The following BRCA1 variants were observed in gnomAD, a reference collection of about 807,000 sequenced individuals.
BRCA1 encodes breast cancer type 1 susceptibility protein.
A neutral mutation model predicts 173.7 loss-of-function variants in BRCA1; 140 were observed. The ratio of observed to expected loss-of-function variants is 0.81; its 90% CI spans 0.70 to 0.93. The LOEUF (loss-of-function observed/expected upper bound fraction) is 0.93. BRCA1 is among the 40% of genes least tolerant of loss of function. The probability of loss-of-function intolerance (pLI) is 0.00; values close to 1 mark genes in which losing one functional copy is unlikely to be tolerated. For missense variants in BRCA1, 1,983 were observed against 2,172.5 expected, an observed-to-expected ratio of 0.91 and a Z score of 1.73; for synonymous variants, 662 against 756.0, an observed-to-expected ratio of 0.88 and a Z score of 2.04.
At chr17:43,061,977 A>G (rs971232165) in intron 18 of BRCA1, among the ~76,000 whole-genome samples, 3 of 152,060 alleles carry the variant, frequency 2.0e-5, no homozygotes, top group African/African-American at 7.2e-5. Context: ...CCTACACTCT[A>G]TCTTATTTAC....
At chr17:43,143,046 A>G (rs554992272) in intron 1 of BRCA1, among the ~76,000 whole-genome samples, 1 of 149,438 alleles carries the variant, frequency 6.7e-6, no homozygotes, top group South Asian at 2.1e-4. Context: ...ATATATATGT[A>G]TATATGTGTA....
chr17:43,109,545 C>T (rs2054946128), intron 3 of BRCA1, among the ~76,000 whole-genome samples: 1 of 152,096 alleles, frequency 6.6e-6, no homozygotes, highest in Admixed American at 6.6e-5. Flanking sequence ...TACCATATTG[C>T]ACTCAACAAA....
At chr17:43,103,371 G>A (rs2054575433) in intron 6 of BRCA1, among the ~76,000 whole-genome samples, 1 of 151,838 alleles carries the variant, frequency 6.6e-6, no homozygotes, top group South Asian at 2.1e-4. Context: ...GGAGGCTGAG[G>A]CAGGAGAATC....
Position 43,093,950 on chromosome 17 carries a change from C to G in BRCA1, c.1581G>C (p.Lys527Asn), listed in dbSNP as rs80357493. 42 of 1,613,716 alleles carry G rather than the reference C, an allele frequency of 2.6e-5. No homozygotes were observed. The highest frequency in any genetic ancestry group is 3.6e-5 in the Non-Finnish European group (42 of 1,179,938). ...FIKKADLAVQKTPEMINQGTN... is the reference protein window; with the variant it reads ...FIKKADLAVQNTPEMINQGTN... ...TTCCCTGATTTATCATTTCAGGAGT[C>G]TTTTGAACTGCCAAATCTGCTTTCT... is the stretch of plus-strand genomic sequence containing the variant. The change falls in exon 10 of 23, where the codon AAG becomes AAC. Residue 527 changes from lysine (K) to asparagine (N), a missense_variant. Lys to Asn is a moderately conservative substitution (Grantham distance 94). Transcript: ENST00000357654.
At chr17:43,133,527 T>C (rs2154581347) in intron 1 of BRCA1, among the ~76,000 whole-genome samples, 2 of 152,326 alleles carry the variant, frequency 1.3e-5, no homozygotes, top group African/African-American at 4.8e-5. Flanking sequence ...GGATGTGAAC[T>C]GTCCTTGCAA....
At chr17:43,156,442 C>T (rs961243244) in intron 1 of BRCA1, among the ~76,000 whole-genome samples, 1 of 152,174 alleles carries the variant, frequency 6.6e-6, no homozygotes, top group African/African-American at 2.4e-5. Context: ...AACCACTTTA[C>T]CTGAACCTCA....
chr17:43,045,924 T>C (rs1401781814), intron 22 of BRCA1, 122 bp from the exon 23 acceptor site: 1 of 784,808 alleles, frequency 1.3e-6, no homozygotes, highest in Non-Finnish European at 1.7e-6. Context: ...AGAAGCTAAT[T>C]TTTTTTTTTT....
chr17:43,045,160 A>G lies in BRCA1; in HGVS notation c.*518T>C. ...CTCAGAATTTCCTCCCCAATGTTCCACTCCAACATTTGAGAACTGCCCAAG... is the reference window on the plus strand; with the variant it reads ...CTCAGAATTTCCTCCCCAATGTTCCGCTCCAACATTTGAGAACTGCCCAAG... On this transcript the variant is annotated 3_prime_UTR_variant, in exon 23 of 23. Transcript: ENST00000357654. 1.9e-6 allele frequency: 1 copy of G among 534,896 alleles called. No homozygotes were observed. The highest frequency in any genetic ancestry group is 1.9e-5 in the African/African-American group (1 of 53,890). The allele number at this position is 534,896 out of a possible 1,614,324, so 33.1% of individuals were successfully genotyped here. A position where few individuals can be genotyped will look rare whatever the true frequency, so the allele number is the denominator to read the frequency against.
intron 14 of BRCA1, among the ~76,000 whole-genome samples, chr17:43,072,233 C>T (rs2052481435): frequency 6.8e-6 from 1 of 147,922 alleles, no homozygotes; most frequent in South Asian, 2.2e-4. Flanking sequence ...ACTAAAAATA[C>T]AAAAAATTAG....
chr17:43,102,081 T>A (rs1026168947), intron 6 of BRCA1, among the ~76,000 whole-genome samples: 1 of 151,790 alleles, frequency 6.6e-6, no homozygotes, highest in Non-Finnish European at 1.5e-5. Flanking sequence ...TTTTTTTGTT[T>A]TTTTTTTGAG....
intron 2 of BRCA1, among the ~76,000 whole-genome samples, chr17:43,117,696 G>T (rs181765921): frequency 1.3e-5 from 2 of 152,078 alleles, no homozygotes; most frequent in Non-Finnish European, 2.9e-5. Flanking sequence ...CCAAGATCGC[G>T]CCACTGTACT....
At chr17:43,106,381 G>T in intron 4 of BRCA1, 75 bp downstream of exon 4, 2 of 938,002 alleles carry the variant, frequency 2.1e-6, no homozygotes, top group Non-Finnish European at 3.3e-6. Context: ...TTATAGGAAC[G>T]CTATGTTATT....
chr17:43,045,925 T>C, intron 22 of BRCA1, 123 bp from the exon 23 acceptor site: 1 of 1,093,090 alleles, frequency 9.1e-7, no homozygotes, highest in African/African-American at 1.6e-5. Flanking sequence ...GAAGCTAATT[T>C]TTTTTTTTTT....
intron 1 of BRCA1, among the ~76,000 whole-genome samples, chr17:43,146,529 C>T (rs374095461): frequency 2.0e-5 from 3 of 151,844 alleles, no homozygotes; most frequent in South Asian, 2.1e-4. Flanking sequence ...AGGATGGTCT[C>T]GATCTCCTGA....
chr17:43,161,883 C>T (rs1446195914), intron 1 of BRCA1: 2 of 152,088 alleles, frequency 1.3e-5, no homozygotes, highest in African/African-American at 2.4e-5. Context: ...GCTACATGCT[C>T]GGCTAATTGC....
chr17:43,105,548 C>T (rs771183732), intron 4 of BRCA1, among the ~76,000 whole-genome samples: 15 of 152,280 alleles, frequency 9.9e-5, no homozygotes, highest in Admixed American at 2.0e-4. Flanking sequence ...GCTGAGCTTA[C>T]TGTTCTTAAC....
chr17:43,080,051 G>A (rs1236611852), intron 12 of BRCA1, among the ~76,000 whole-genome samples: 1 of 152,090 alleles, frequency 6.6e-6, no homozygotes, highest in East Asian at 1.9e-4. Flanking sequence ...TCTACTTGCT[G>A]GCTGGTTTAG....
At chr17:43,045,973 A>G (rs570787991) in intron 22 of BRCA1, among the ~76,000 whole-genome samples, 171 bp from the exon 23 acceptor site, 2 of 144,490 alleles carry the variant, frequency 1.4e-5, no homozygotes, top group Non-Finnish European at 3.0e-5. Flanking sequence ...CCGAGGCTAG[A>G]GTGTGATGGC....
intron 7 of BRCA1, among the ~76,000 whole-genome samples, chr17:43,099,294 G>T (rs1371124154): frequency 1.3e-5 from 2 of 148,890 alleles, no homozygotes; most frequent in Non-Finnish European, 3.0e-5. Context: ...TTTTTAGATG[G>T]AGTTTCGCTA....
Sources: allele counts gnomAD v4.1 joint callset (sites outside exome capture counted in the v4.1 genomes callset), GRCh38; gene constraint gnomAD v4.1.1; transcripts MANE v1.5; gene names NCBI Gene and HGNC (gene_info 2026-07-23, HGNC 2026-07-21).